Variants in DGKB observed in about 807,000 individuals in gnomAD.
DGKB encodes the protein diacylglycerol kinase beta, also known as 90 kDa diacylglycerol kinase.
In DGKB, 67 loss-of-function variants were observed where a neutral mutation model predicts 114.3. That is an observed-to-expected ratio of 0.59 (90% CI 0.48 to 0.72). DGKB has a LOEUF of 0.72. DGKB is among the 30% of genes least tolerant of loss of function. The pLI is 0.00. For missense variants in DGKB, 907 were observed against 975.2 expected (o/e 0.93, Z 0.93); for synonymous variants, 398 against 323.1 (o/e 1.23, Z -2.49).
chr7:14,318,902 G>T (rs1451044022), intron 23 of DGKB, among the ~76,000 whole-genome samples: 2 of 152,096 alleles, frequency 1.3e-5, no homozygotes, highest in African/African-American at 4.8e-5. Flanking sequence ...GTCCCACAAT[G>T]ATAGACTGGA....
At chr7:14,370,260 T>C (rs1359274507) in intron 21 of DGKB, among the ~76,000 whole-genome samples, 1 of 152,302 alleles carries the variant, frequency 6.6e-6, no homozygotes, top group Middle Eastern at 3.4e-3. Context: ...TGGTTGTAGA[T>C]GTGTGGCATT....
intron 9 of DGKB, among the ~76,000 whole-genome samples, chr7:14,687,118 G>C (rs1018528425): frequency 6.6e-6 from 1 of 152,126 alleles, no homozygotes; most frequent in Non-Finnish European, 1.5e-5. Flanking sequence ...CCACTCTGTC[G>C]TTCCCATGAG....
intron 21 of DGKB, among the ~76,000 whole-genome samples, chr7:14,413,842 T>C (rs1379821318): frequency 3.9e-5 from 6 of 152,170 alleles, no homozygotes; most frequent in African/African-American, 1.4e-4. Flanking sequence ...ATTTTGGCTA[T>C]AAAGAGGAGG....
At chr7:14,950,000 T>C (rs1786097006) in intron 1 of DGKB, among the ~76,000 whole-genome samples, 1 of 151,666 alleles carries the variant, frequency 6.6e-6, no homozygotes, top group South Asian at 2.1e-4. Flanking sequence ...ATACCTAATG[T>C]AAATGATGAG....
chr7:14,521,037 G>A (rs189441905), intron 20 of DGKB, among the ~76,000 whole-genome samples: 142 of 151,732 alleles, frequency 9.4e-4, no homozygotes, highest in African/African-American at 3.2e-3. Context: ...ACTATCTTTT[G>A]GCCTTTGTTG....
chr7:14,634,490 A>ACACACACG (rs1370249643), intron 13 of DGKB, among the ~76,000 whole-genome samples: 22 of 147,524 alleles, frequency 1.5e-4, no homozygotes, highest in Non-Finnish European at 3.0e-4. Context: ...ATACACACAC[A>ACACACACG]CACACACACA....
chr7:14,400,844 G>A (rs1035530473), intron 21 of DGKB, among the ~76,000 whole-genome samples: 4 of 151,676 alleles, frequency 2.6e-5, no homozygotes, highest in Non-Finnish European at 5.9e-5. Context: ...AAGAGGGAGA[G>A]ACCTCTTAGA....
intron 20 of DGKB, among the ~76,000 whole-genome samples, chr7:14,548,221 A>G (rs189581021): frequency 5.3e-5 from 8 of 152,334 alleles, no homozygotes; most frequent in South Asian, 4.1e-4. Flanking sequence ...CTACGTGTCA[A>G]TGTATGTGCA....
intron 1 of DGKB, among the ~76,000 whole-genome samples, chr7:14,842,321 C>T (rs879350175): frequency 1.3e-5 from 2 of 152,164 alleles, no homozygotes; most frequent in Non-Finnish European, 2.9e-5. Context: ...TCTTTACTGT[C>T]TTCCAATATC....
intron 1 of DGKB, among the ~76,000 whole-genome samples, chr7:14,842,192 C>A (rs11979624): frequency 0.19 from 28,851 of 152,132 alleles, 2,889 homozygotes; most frequent in African/African-American, 0.25. Context: ...GTAAGAGTTA[C>A]TTTTTTGTAA....
chr7:14,565,275 C>T (rs1446267479), intron 20 of DGKB, among the ~76,000 whole-genome samples: 6 of 152,084 alleles, frequency 3.9e-5, no homozygotes, highest in Non-Finnish European at 5.9e-5. Context: ...AGCCTACTAA[C>T]AGCTAGAACC....
At chr7:14,952,746 G>A (rs1290307159) in intron 1 of DGKB, among the ~76,000 whole-genome samples, 2 of 151,872 alleles carry the variant, frequency 1.3e-5, no homozygotes, top group Admixed American at 6.6e-5. Flanking sequence ...GTGACAAAGC[G>A]AGACTCTGTC....
intron 1 of DGKB, among the ~76,000 whole-genome samples, chr7:14,873,661 A>C (rs1208967899): frequency 1.3e-5 from 2 of 152,042 alleles, no homozygotes; most frequent in South Asian, 2.1e-4. Flanking sequence ...ATATATACAC[A>C]TACATATGTA....
At chr7:14,230,359 G>A (rs1791521918) in intron 23 of DGKB, among the ~76,000 whole-genome samples, 1 of 151,904 alleles carries the variant, frequency 6.6e-6, no homozygotes, top group Non-Finnish European at 1.5e-5. Context: ...TAGTCACTTA[G>A]TGTATTTTTG....
At chr7:14,898,615 C>T (rs754629194) in intron 1 of DGKB, among the ~76,000 whole-genome samples, 2 of 152,064 alleles carry the variant, frequency 1.3e-5, no homozygotes, top group Non-Finnish European at 2.9e-5. Context: ...AGCAAGAGAG[C>T]TGATTTTAGC....
At chr7:14,290,970 C>T (rs1328536310) in intron 23 of DGKB, among the ~76,000 whole-genome samples, 2 of 151,014 alleles carry the variant, frequency 1.3e-5, no homozygotes, top group African/African-American at 4.9e-5. Flanking sequence ...GGTGAAACCC[C>T]ATCTCTACTA....
intron 13 of DGKB, among the ~76,000 whole-genome samples, chr7:14,631,705 A>G (rs1809744599): frequency 6.6e-6 from 1 of 152,030 alleles, no homozygotes. Context: ...GACAACGAAT[A>G]TTTGTGCTAG....
chr7:14,210,403 C>A (rs1455935664), intron 23 of DGKB, among the ~76,000 whole-genome samples: 1 of 152,112 alleles, frequency 6.6e-6, no homozygotes, highest in Non-Finnish European at 1.5e-5. Flanking sequence ...GCTGCTTTGT[C>A]CTTTCAGTTT....
At chr7:14,630,339 C>T (rs1017746010) in intron 13 of DGKB, 71 bp from the exon 14 acceptor site, 1 of 1,079,016 alleles carries the variant, frequency 9.3e-7, no homozygotes, top group Admixed American at 2.7e-5. Context: ...TGAAGTTTCT[C>T]ATATCATTAC....
Sources: allele counts gnomAD v4.1 joint callset (sites outside exome capture counted in the v4.1 genomes callset), GRCh38; gene constraint gnomAD v4.1.1; transcripts MANE v1.5; gene names NCBI Gene and HGNC (gene_info 2026-07-23, HGNC 2026-07-21).